ST6GALNAC2: variants seen among roughly 807,000 people sequenced by gnomAD.
ST6GALNAC2 encodes alpha-N-acetylgalactosaminide alpha-2,6-sialyltransferase 2.
A neutral mutation model predicts 38.7 loss-of-function variants in ST6GALNAC2; 42 were observed. The observed-to-expected ratio is 1.09, with a 90% confidence interval of 0.85 to 1.40. The LOEUF is 1.40. ST6GALNAC2 is among the 40% of genes most tolerant of loss of function. The pLI, the probability that ST6GALNAC2 is intolerant of heterozygous loss-of-function variation, is 0.00. For missense variants in ST6GALNAC2, 506 were observed against 481.7 expected (o/e 1.05, Z -0.47); for synonymous variants, 233 against 209.0 (o/e 1.11, Z -0.99).
rs1295440663 is a variant in ST6GALNAC2 at position 76,574,508 on chromosome 17, G to T, written c.218C>A (p.Ala73Asp). The T allele has an allele frequency of 7.6e-6, 12 of 1,571,724 alleles. No individual in the cohort carries two copies. Among genetic ancestry groups the T allele is most frequent in the Non-Finnish European group, 1.0e-5 (12 of 1,154,642 alleles). ...ACGGAAGTGGGGGTGCCGCTGAATGGCCAGGTGAAGCAGGTGTCGGCAGGC... is the reference window on the plus strand; with the variant it reads ...ACGGAAGTGGGGGTGCCGCTGAATGTCCAGGTGAAGCAGGTGTCGGCAGGC... ...GQACRHLLHLAIQRHPHFRGL... is the reference protein window; with the variant it reads ...GQACRHLLHLDIQRHPHFRGL... The change falls in exon 3 of 9, where the codon GCC becomes GAC. Residue 73 changes from alanine to aspartate, a missense_variant. Ala to Asp is a moderately radical substitution (Grantham distance 126). Transcript: ENST00000225276.
rs1172318150 is a variant in ST6GALNAC2, at chr17:76,570,574, T to C, written c.764A>G (p.Lys255Arg). ...CGGCCTGGCTGCTCACCTGTCCCCT[T>C]TATCTAGGCCCTCAGGGACAGGCAC... is the stretch of plus-strand genomic sequence containing the variant. ...LGVPVPEGLD[K>R]GDRPHAYFGP... Residue 255 changes from lysine to arginine, a missense_variant, in exon 6 of 9, where the codon AAA (lysine) becomes AGA (arginine). Lys to Arg is a conservative substitution (Grantham distance 26, BLOSUM62 2). Transcript: ENST00000225276. The C allele has an allele frequency of 1.2e-6, 2 of 1,610,600 alleles. No homozygotes were observed. The highest frequency in any genetic ancestry group is 3.3e-5 in the Admixed American group (2 of 59,830).
chr17:76,585,690 C>T lies in ST6GALNAC2; in HGVS notation c.119G>A (p.Gly40Glu). The T allele has an allele frequency of 6.6e-7, 1 of 1,526,474 alleles. No homozygotes were observed. The highest frequency in any genetic ancestry group is 8.8e-7 in the Non-Finnish European group (1 of 1,141,278). The allele number at this position is 1,526,474 out of a possible 1,614,324, so 94.6% of individuals were successfully genotyped here. A position where few individuals can be genotyped will look rare whatever the true frequency, so the allele number is the denominator to read the frequency against. The change falls in exon 1 of 9, where the codon GGA (glycine) becomes GAA (glutamate). Residue 40 changes from glycine to glutamate, a missense_variant. Coordinates refer to ENST00000225276, the MANE Select transcript of ST6GALNAC2 (RefSeq NM_006456.3). Reference protein sequence around the residue: ...AVQRYPGPAAGARDTTSFEAF... With the variant: ...AVQRYPGPAAEARDTTSFEAF... ...TGCGCTCGGCAGCCCCTACCTGGCTCCGGCCGCTGGCCCCGGGTACCGCTG... is the reference window on the plus strand; with the variant it reads ...TGCGCTCGGCAGCCCCTACCTGGCTTCGGCCGCTGGCCCCGGGTACCGCTG...
At chr17:76,569,592 GGACTGGGAGGGA>G (rs951291261) in intron 6 of ST6GALNAC2, 11 of 397,600 alleles carry the variant, frequency 2.8e-5, no homozygotes, top group Non-Finnish European at 4.0e-5. Context: ...TGTTGGAACG[GGACTGGGAGGGA>G]GACTGGGTAG....
At chr17:76,568,527 CCTCT>C (rs758522187) in intron 7 of ST6GALNAC2, 182 bp downstream of exon 7, 17 of 616,414 alleles carry the variant, frequency 2.8e-5, no homozygotes, top group Non-Finnish European at 4.7e-5. Context: ...TATCACCCTC[CCTCT>C]ATCAAGGTGC....
Position 76,567,129 on chromosome 17 carries a change from T to G in ST6GALNAC2, c.957+324A>C, listed in dbSNP as rs115590968. On this transcript the variant is annotated intron_variant, in intron 8 of 8. Coordinates refer to ENST00000225276, the MANE Select transcript of ST6GALNAC2 (RefSeq NM_006456.3). ...GACTTTGGCTTTCACAAGGGCAGTTTGATGATTTGAGCCTTAAATACCATA... is the reference window on the plus strand; with the variant it reads ...GACTTTGGCTTTCACAAGGGCAGTTGGATGATTTGAGCCTTAAATACCATA... Among the ~76,000 whole-genome samples, 706 of 152,282 alleles carry G rather than the reference T, an allele frequency of 4.6e-3. 12 individuals carry two copies. The highest frequency in any genetic ancestry group is 0.016 in the African/African-American group (680 of 41,544).
At chr17:76,577,573 ATT>A (rs71158024) in intron 2 of ST6GALNAC2, among the ~76,000 whole-genome samples, 39 of 117,082 alleles carry the variant, frequency 3.3e-4, no homozygotes, top group African/African-American at 7.9e-4. Context: ...TGGCCTCTGT[ATT>A]TTTTTTTTTT....
chr17:76,568,985 C>T (rs948169731), intron 6 of ST6GALNAC2, 189 bp from the exon 7 acceptor site: 14 of 588,736 alleles, frequency 2.4e-5, no homozygotes, highest in African/African-American at 1.9e-4. Flanking sequence ...TGCGGCTTCC[C>T]GCTCACCAGG....
chr17:76,584,676 G>C (rs2075522813), intron 1 of ST6GALNAC2, among the ~76,000 whole-genome samples: 1 of 152,190 alleles, frequency 6.6e-6, no homozygotes, highest in Non-Finnish European at 1.5e-5. Flanking sequence ...CTGGACTCCT[G>C]ATCACTGGCA....
intron 1 of ST6GALNAC2, among the ~76,000 whole-genome samples, chr17:76,581,730 G>T (rs2075478051): frequency 6.6e-6 from 1 of 152,206 alleles, no homozygotes; most frequent in Admixed American, 6.5e-5. Context: ...GGACACCTGG[G>T]AGGGCGTAGG....
In ST6GALNAC2 at chr17:76,578,910, G is replaced by A. The variant is rs191595879; in HGVS notation, c.126-94C>T. The A allele has an allele frequency of 6.7e-5, 71 of 1,064,188 alleles. No individual in the cohort carries two copies. In the African/African-American group the frequency reaches 9.9e-4, roughly 15 times the overall value. The allele number at this position is 1,064,188 out of a possible 1,614,324, so 65.9% of individuals were successfully genotyped here. A position where few individuals can be genotyped will look rare whatever the true frequency, so the allele number is the denominator to read the frequency against. ...ACCGACCCCCTTAGCTCTAGGGGCG[G>A]ACAAAGTCTGTCTGTGCCCATCGTG... On this transcript the variant is annotated intron_variant, in intron 1 of 8. Transcript: ENST00000225276.
At chr17:76,568,657 G>A in intron 7 of ST6GALNAC2, 56 bp downstream of exon 7, 1 of 1,555,686 alleles carries the variant, frequency 6.4e-7, no homozygotes, top group South Asian at 1.1e-5. Context: ...GATGTGGGTG[G>A]GTGTGTAAAA....
In ST6GALNAC2 at chr17:76,566,145, C is replaced by T; in HGVS notation, c.1084G>A (p.Asp362Asn). 1 of 1,614,080 alleles carries T rather than the reference C, an allele frequency of 6.2e-7. No individual in the cohort carries two copies. Among genetic ancestry groups the T allele is most frequent in the Non-Finnish European group, 8.5e-7 (1 of 1,180,024 alleles). ...DLSLEAALWR[D>N]LHKAGILQLY... ...TGAAGGATGCCGGCCTTGTGCAGGT[C>T]CCTCCACAGGGCAGCTTCCAGGGAC... is the stretch of plus-strand genomic sequence containing the variant. Residue 362 changes from aspartate (D) to asparagine (N), a missense_variant, in exon 9 of 9, where the codon GAC becomes AAC. Asp to Asn is a conservative substitution (Grantham distance 23, BLOSUM62 1). Coordinates refer to ENST00000225276, the MANE Select transcript of ST6GALNAC2 (RefSeq NM_006456.3).
chr17:76,575,003 CA>C (rs1351988950), intron 2 of ST6GALNAC2, among the ~76,000 whole-genome samples: 7 of 152,138 alleles, frequency 4.6e-5, no homozygotes, highest in Admixed American at 1.3e-4. Flanking sequence ...ACTGAGCTGG[CA>C]GCTAGGGGGT....
rs1475903320 is a variant in ST6GALNAC2 at position 76,566,201 on chromosome 17, T to C, written c.1028A>G (p.Lys343Arg). 2 of 1,614,032 alleles carry C rather than the reference T, an allele frequency of 1.2e-6. No homozygotes were observed. The highest frequency in any genetic ancestry group is 1.7e-5 in the Admixed American group (1 of 59,994). Residue 343 changes from lysine (K) to arginine (R), a missense_variant, in exon 9 of 9, where the codon AAG (lysine) becomes AGG (arginine). Lys to Arg is a conservative substitution (Grantham distance 26). Coordinates refer to ENST00000225276, the MANE Select transcript of ST6GALNAC2 (RefSeq NM_006456.3). ...GTGGTTTGCATAAAATATCAATGGC[T>C]TCATTTTTCGTTCGAAATAGTGGTC... Reference protein sequence around the residue: ...FSDHYFERKMKPLIFYANHDL... With the variant: ...FSDHYFERKMRPLIFYANHDL...
Position 76,566,169 on chromosome 17 carries a change from A to G in ST6GALNAC2, c.1060T>C (p.Ser354Pro). The change falls in exon 9 of 9, where the codon TCC (serine) becomes CCC (proline). Residue 354 changes from serine (S) to proline (P), a missense_variant. Transcript: ENST00000225276. ...PLIFYANHDL[S>P]LEAALWRDLH... is the part of the protein sequence containing the mutation. ...TCCCTCCACAGGGCAGCTTCCAGGG[A>G]CAGATCGTGGTTTGCATAAAATATC... 1 of 1,614,104 alleles carries G rather than the reference A, an allele frequency of 6.2e-7. No individual in the cohort carries two copies. Among genetic ancestry groups the G allele is most frequent in the Middle Eastern group, 1.7e-4 (1 of 6,060 alleles).
chr17:76,575,602 G>T (rs2075407051), intron 2 of ST6GALNAC2, among the ~76,000 whole-genome samples: 1 of 152,206 alleles, frequency 6.6e-6, no homozygotes, highest in African/African-American at 2.4e-5. Flanking sequence ...CTGGGCTTCT[G>T]GGCTCCAGAA....
chr17:76,572,641 C>T lies in ST6GALNAC2; in HGVS notation c.665G>A (p.Gly222Glu). Residue 222 changes from glycine to glutamate, a missense_variant, in exon 5 of 9, where the codon GGA (glycine) becomes GAA (glutamate). Physicochemically the swap from Gly to Glu is moderately conservative, Grantham distance 98 (BLOSUM62 -2). Coordinates refer to ENST00000225276, the MANE Select transcript of ST6GALNAC2 (RefSeq NM_006456.3). ...WNLGFTSVPQ[G>E]QDLQYIFIPS... ...CATGCCCGCCAGAGGCCTCACCTGT[C>T]CTTGTGGCACGGAGGTGAAGCCCAG... The T allele has an allele frequency of 6.2e-7, 1 of 1,614,076 alleles. No individual in the cohort carries two copies. The highest frequency in any genetic ancestry group is 8.5e-7 in the Non-Finnish European group (1 of 1,180,014).
At chr17:76,566,699 TA>T (rs55837742) in intron 8 of ST6GALNAC2, among the ~76,000 whole-genome samples, 73,432 of 146,306 alleles carry the variant, frequency 0.5, 18,402 homozygotes, top group East Asian at 0.62. Flanking sequence ...CTACAAAAAG[TA>T]AAAAAAAAAA....
intron 6 of ST6GALNAC2, chr17:76,569,043 AC>A: frequency 9.0e-6 from 1 of 111,384 alleles, no homozygotes; most frequent in Non-Finnish European, 1.6e-5. Context: ...GCATGAACAG[AC>A]CGGGGGGAGT....
Sources: allele counts gnomAD v4.1 joint callset (sites outside exome capture counted in the v4.1 genomes callset), GRCh38; gene constraint gnomAD v4.1.1; transcripts MANE v1.5; gene names NCBI Gene and HGNC (gene_info 2026-07-23, HGNC 2026-07-21).